SP110: variants seen among roughly 807,000 people sequenced by gnomAD.
SP110 encodes interferon-induced protein 41, 30kD.
A neutral mutation model predicts 92.7 loss-of-function variants in SP110; 62 were observed. That is an observed-to-expected ratio of 0.67 (90% CI 0.55 to 0.83). SP110 has a LOEUF of 0.83. SP110 is among the 40% of genes least tolerant of loss of function. The pLI, the probability that SP110 is intolerant of heterozygous loss-of-function variation, is 0.00. For missense variants in SP110, 793 were observed against 863.9 expected, an observed-to-expected ratio of 0.92 and a Z score of 1.03; for synonymous variants, 273 against 305.3, an observed-to-expected ratio of 0.89 and a Z score of 1.10.
intron 7 of SP110, among the ~76,000 whole-genome samples, chr2:230,209,069 C>A (rs552014426): frequency 2.6e-5 from 4 of 152,060 alleles, no homozygotes; most frequent in Non-Finnish European, 5.9e-5. Context: ...ATTTTTGATT[C>A]TTTTTCTTTT....
At chr2:230,169,737 C>T (rs566100453) in intron 18 of SP110, among the ~76,000 whole-genome samples, 2 of 152,232 alleles carry the variant, frequency 1.3e-5, no homozygotes, top group South Asian at 2.1e-4. Flanking sequence ...ACCTGACAGG[C>T]GATTTAGACT....
Position 230,211,664 on chromosome 2 carries a change from A to T in SP110, c.668-111T>A. On this transcript the variant is annotated intron_variant, in intron 5 of 18. Coordinates refer to ENST00000258381, the MANE Select transcript of SP110 (RefSeq NM_080424.4). The surrounding 1 kb of genome is among the most constrained non-coding windows in gnomAD (Gnocchi z 4.2). ...AAGTAAAAATGACGGGGTAACAGCA[A>T]CCAAGGCCTGGGAAAGGATGGCATA... is the stretch of plus-strand genomic sequence containing the variant. 1 of 748,086 alleles carries T rather than the reference A, an allele frequency of 1.3e-6. No homozygotes were observed. The highest frequency in any genetic ancestry group is 2.4e-6 in the Non-Finnish European group (1 of 414,652). The allele number at this position is 748,086 out of a possible 1,614,324, so 46.3% of individuals were successfully genotyped here.
intron 2 of SP110, 21 bp from the exon 3 acceptor site, chr2:230,215,139 T>C: frequency 2.5e-6 from 4 of 1,597,302 alleles, no homozygotes; most frequent in Non-Finnish European, 3.4e-6. Flanking sequence ...GGAGTGAAGG[T>C]TTTTATAAAT....
intron 12 of SP110, among the ~76,000 whole-genome samples, chr2:230,179,273 C>A (rs887571046): frequency 6.6e-6 from 1 of 152,134 alleles, no homozygotes; most frequent in Non-Finnish European, 1.5e-5. Context: ...CAGAACCCTA[C>A]AGGATGCCTG....
At chr2:230,178,888 G>C (rs578193271) in intron 12 of SP110, among the ~76,000 whole-genome samples, 2 of 152,300 alleles carry the variant, frequency 1.3e-5, no homozygotes, top group South Asian at 2.1e-4. Context: ...AGTTGCAAGA[G>C]GGTTTAAAAT....
chr2:230,171,145 T>C (rs2078429111), intron 17 of SP110, among the ~76,000 whole-genome samples: 1 of 152,148 alleles, frequency 6.6e-6, no homozygotes, highest in African/African-American at 2.4e-5. Context: ...CAGGCTGGAG[T>C]GCAGTGGTGC....
In SP110 at chr2:230,210,278, A is replaced by G. The variant is rs540400324; in HGVS notation, c.752-270T>C. ...AGAGAGATTATCTTATGGATGGAAG[A>G]GAAGTGAGTGAAGAAGGTGCAATGA... On this transcript the variant is annotated intron_variant, in intron 6 of 18. Coordinates refer to ENST00000258381, the MANE Select transcript of SP110 (RefSeq NM_080424.4). Among the ~76,000 whole-genome samples, 629 of 152,302 alleles carry G rather than the reference A, an allele frequency of 4.1e-3. 4 individuals carry two copies. Among genetic ancestry groups the G allele is most frequent in the African/African-American group, 0.014 (582 of 41,564 alleles).
At chr2:230,216,648 T>C in intron 2 of SP110, 133 bp downstream of exon 2, 1 of 1,085,330 alleles carries the variant, frequency 9.2e-7, no homozygotes. Context: ...TACCCCCACC[T>C]TCTGTGATAA....
At position 230,212,367 on chromosome 2, in the gene SP110, A is replaced by G; in HGVS notation, c.647T>C (p.Leu216Pro). ...GTTACCTTGCACAGTGCTAGTGAGG[A>G]GGCTGGGCATCTCTTCTGAGTCTTC... Reference protein sequence around the residue: ...AEEDSEEMPSLLTSTVQVASD... With the variant: ...AEEDSEEMPSPLTSTVQVASD... Residue 216 changes from leucine (L) to proline (P), a missense_variant, in exon 5 of 19, where the codon CTC (leucine) becomes CCC (proline). Leu to Pro is a moderately conservative substitution (Grantham distance 98, BLOSUM62 -3). Transcript: ENST00000258381. The G allele has an allele frequency of 6.2e-7, 1 of 1,612,782 alleles. No individual in the cohort carries two copies. The highest frequency in any genetic ancestry group is 8.5e-7 in the Non-Finnish European group (1 of 1,178,752).
At chr2:230,214,746 T>C (rs1239047166) in intron 3 of SP110, among the ~76,000 whole-genome samples, 1 of 152,182 alleles carries the variant, frequency 6.6e-6, no homozygotes, top group East Asian at 1.9e-4. Flanking sequence ...AATGTTTATG[T>C]CCTCTAGAAG....
chr2:230,176,786 G>A, intron 14 of SP110: 2 of 1,539,642 alleles, frequency 1.3e-6, no homozygotes, highest in Non-Finnish European at 1.8e-6. Context: ...TGTAGATACT[G>A]GCCTTCCCAC....
At chr2:230,184,990 G>A (rs925780588) in intron 11 of SP110, among the ~76,000 whole-genome samples, 4 of 152,202 alleles carry the variant, frequency 2.6e-5, no homozygotes, top group South Asian at 2.1e-4. Flanking sequence ...CTGCTGTCAC[G>A]CTACAAAGGC....
intron 10 of SP110, among the ~76,000 whole-genome samples, chr2:230,197,057 C>T (rs1043478807): frequency 1.8e-4 from 28 of 152,266 alleles, no homozygotes; most frequent in Admixed American, 8.5e-4. Flanking sequence ...GGTATATACC[C>T]GGTAATGGGA....
Position 230,186,011 on chromosome 2 carries a change from C to A in SP110, c.1262G>T (p.Arg421Leu). The A allele has an allele frequency of 6.2e-7, 1 of 1,614,090 alleles. No homozygotes were observed. ...AGCCTTACCTTTCAATCTGGACTTT[C>A]GGGCACATTTAGTTCTTGCCTTTTG... is the stretch of plus-strand genomic sequence containing the variant. ...RVQKARTKCA[R>L]KSRLKEKKKE... Residue 421 changes from arginine to leucine, a missense_variant, in exon 11 of 19, where the codon CGA becomes CTA. Arg to Leu is a moderately radical substitution (Grantham distance 102). Transcript: ENST00000258381.
chr2:230,166,258 C>CT lies in SP110; in HGVS notation c.*2865dup, dbSNP rs2078309927. Among the ~76,000 whole-genome samples the CT allele has an allele frequency of 6.6e-6, 1 of 152,152 alleles. No individual in the cohort carries two copies. The highest frequency in any genetic ancestry group is 2.4e-5 in the African/African-American group (1 of 41,424). On this transcript the variant is annotated 3_prime_UTR_variant, in exon 19 of 19. Transcript: ENST00000258381. ...TTCTTAGAAAAACATAAAAGCAGAG[C>CT]TGTCTCAAAAACCAACAGAATATCT... is the stretch of plus-strand genomic sequence containing the variant.
At chr2:230,199,131 T>C (rs936809649) in intron 10 of SP110, among the ~76,000 whole-genome samples, 39 of 131,128 alleles carry the variant, frequency 3.0e-4, no homozygotes, top group African/African-American at 6.9e-4. Flanking sequence ...TTAGCTACTA[T>C]TATTATTATT....
chr2:230,188,247 G>A (rs2042448119), intron 10 of SP110, among the ~76,000 whole-genome samples: 1 of 151,920 alleles, frequency 6.6e-6, no homozygotes, highest in Non-Finnish European at 1.5e-5. Context: ...TTATTTTGTT[G>A]AAGTTGTTTT....
At position 230,206,402 on chromosome 2, in the gene SP110, G is replaced by T. The variant is rs185798351; in HGVS notation, c.898+1589C>A. Among the ~76,000 whole-genome samples, 498 of 151,424 alleles carry T rather than the reference G, an allele frequency of 3.3e-3. 3 individuals are homozygous for T. Among genetic ancestry groups the T allele is most frequent in the African/African-American group, 0.012 (476 of 41,276 alleles). ...GCTTGCTAACATGTTCTTTCTTGGT[G>T]CTCCTCTGTCTTCACTGGTCTCGTT... On this transcript the variant is annotated intron_variant, in intron 8 of 18. Transcript: ENST00000258381.
rs2044274250 is a variant in SP110, at chr2:230,209,833, G to T, written c.829+98C>A. ...GAACTGTGTGTGGCATCAGGACTGTGGTCACATAGTGGTGCTCTTGACAAG... is the reference window on the plus strand; with the variant it reads ...GAACTGTGTGTGGCATCAGGACTGTTGTCACATAGTGGTGCTCTTGACAAG... On this transcript the variant is annotated intron_variant, in intron 7 of 18. Transcript: ENST00000258381. 6.3e-6 allele frequency: 5 copies of T among 793,988 alleles called. No homozygotes were observed. In the Admixed American group the frequency reaches 8.5e-5, roughly 14 times the overall value. The allele number at this position is 793,988 out of a possible 1,614,324, so 49.2% of individuals were successfully genotyped here.
Sources: gnomAD v4.1 joint callset for allele counts (sites outside exome capture counted in the v4.1 genomes callset) on GRCh38, gnomAD v4.1.1 for gene constraint, Gnocchi (gnomAD v3.1) non-coding constraint, MANE v1.5 for transcripts, NCBI Gene and HGNC (gene_info 2026-07-23, HGNC 2026-07-21) for gene names.